Variants in CCNH observed in about 807,000 individuals in gnomAD.
The protein encoded by CCNH is cyclin H, also known as cyclin-H.
In CCNH, 31 loss-of-function variants were observed where a neutral mutation model predicts 41.9. That is an observed-to-expected ratio of 0.74 (90% CI 0.56 to 1.00). The LOEUF (loss-of-function observed/expected upper bound fraction) is 1.00, where lower values mean the gene tolerates loss of function less well. Ranked by LOEUF, CCNH falls within the 50% of genes least tolerant of loss-of-function variation. The probability of loss-of-function intolerance (pLI) is 0.00; values close to 1 mark genes in which losing one functional copy is unlikely to be tolerated. For synonymous variants in CCNH, 138 were observed against 136.1 expected (o/e 1.01, Z -0.10); for missense variants, 362 against 388.4 (o/e 0.93, Z 0.57).
chr5:87,399,646 G>A, intron 6 of CCNH, 141 bp from the exon 7 acceptor site: 2 of 643,454 alleles, frequency 3.1e-6, no homozygotes, highest in South Asian at 3.7e-5. Flanking sequence ...GCATCATTCT[G>A]CATTTCATTC....
chr5:87,398,837 G>A (rs3093830), intron 7 of CCNH, among the ~76,000 whole-genome samples: 2 of 152,172 alleles, frequency 1.3e-5, no homozygotes, highest in East Asian at 3.9e-4. Flanking sequence ...GCTGGGCGTG[G>A]TGGAGGGCGC....
chr5:87,393,846 T>TTATC (rs1180903854), downstream of CCNH: 1 of 152,086 alleles, frequency 6.6e-6, no homozygotes, highest in African/African-American at 2.4e-5. Context: ...TGCTACCTAC[T>TTATC]TATCTATACT....
At position 87,408,075 on chromosome 5, in the gene CCNH, C is replaced by G; in HGVS notation, c.426G>C (p.Gln142His). 6.2e-7 allele frequency: 1 copy of G among 1,613,108 alleles called. No homozygotes were observed. Among genetic ancestry groups the G allele is most frequent in the Non-Finnish European group, 8.5e-7 (1 of 1,179,072 alleles). Residue 142 changes from glutamine to histidine, a missense_variant, in exon 4 of 9, where the codon CAG becomes CAC. Gln to His is a conservative substitution (Grantham distance 24, BLOSUM62 0). Transcript: ENST00000256897. ...SPLGQEKALE[Q>H]ILEYELLLIQ... ...TAAGAAGTAGTTCATATTCCAGTAT[C>G]TGTTCAAGTGCCTTCTCCTGTCCAA...
intron 9 of CCNH, among the ~76,000 whole-genome samples, chr5:87,368,506 A>C (rs192781638): frequency 1.3e-4 from 20 of 152,306 alleles, no homozygotes; most frequent in African/African-American, 4.8e-4. Context: ...GACATTGTAC[A>C]TGAAAAACTA....
chr5:87,401,677 T>C (rs779529928), intron 6 of CCNH, 25 bp downstream of exon 6: 2 of 1,418,672 alleles, frequency 1.4e-6, no homozygotes, highest in East Asian at 2.3e-5. Context: ...AAGAAACATT[T>C]TGTAAAGTGT....
downstream of CCNH, chr5:87,376,139 T>C: frequency 5.8e-6 from 3 of 517,804 alleles, no homozygotes; most frequent in Non-Finnish European, 6.9e-6. Flanking sequence ...TCTTGCCTTC[T>C]TGACTAAACT....
rs1265278085 is a variant in CCNH at position 87,411,360 on chromosome 5, AT to A, written c.118-15del. ...ATTCGGAAGAACCTTTAGATCAACA[AT>A]TACAACACAAGTTCAATGAATTCAA... is the stretch of plus-strand genomic sequence containing the variant. On this transcript the variant is annotated splice_polypyrimidine_tract_variant and intron_variant, in intron 1 of 8. Coordinates refer to ENST00000256897, the MANE Select transcript of CCNH (RefSeq NM_001239.4). The A allele has an allele frequency of 6.3e-7, 1 of 1,594,896 alleles. No individual in the cohort carries two copies. Among genetic ancestry groups the A allele is most frequent in the Non-Finnish European group, 8.5e-7 (1 of 1,173,050 alleles).
At chr5:87,411,402 T>TA in intron 1 of CCNH, 56 bp from the exon 2 acceptor site, 1 of 1,525,836 alleles carries the variant, frequency 6.6e-7, no homozygotes, top group Non-Finnish European at 8.8e-7. Flanking sequence ...TAAACAATTG[T>TA]AAAACATTTT....
At chr5:87,333,129 AG>A (rs1190164784) in intron 9 of CCNH, 3 of 1,315,460 alleles carry the variant, frequency 2.3e-6, no homozygotes, top group Non-Finnish European at 3.1e-6. Context: ...GGGTATTTAT[AG>A]TCCAAGTAAA....
chr5:87,349,188 A>G (rs780795367), intron 9 of CCNH: 11 of 1,609,664 alleles, frequency 6.8e-6, no homozygotes, highest in Non-Finnish European at 8.5e-6. Flanking sequence ...ATAATTAGGG[A>G]AAAACTAACA....
chr5:87,338,693 T>C (rs185812257), intron 9 of CCNH, among the ~76,000 whole-genome samples: 36 of 150,552 alleles, frequency 2.4e-4, no homozygotes, highest in Admixed American at 7.9e-4. Flanking sequence ...ATTTTTGTTC[T>C]TTTTTTTGCC....
At chr5:87,388,520 G>GC (rs1051828073), downstream of CCNH, among the ~76,000 whole-genome samples, 7 of 152,148 alleles carry the variant, frequency 4.6e-5, no homozygotes, top group African/African-American at 7.2e-5. Context: ...TGCTCAACTG[G>GC]CAAGTATACT....
rs1487946204 is a variant in CCNH, at chr5:87,376,473, T to C, written n.708A>G. 6.2e-7 allele frequency: 1 copy of C among 1,614,034 alleles called. No individual in the cohort carries two copies. Among genetic ancestry groups the C allele is most frequent in the South Asian group, 1.1e-5 (1 of 91,078 alleles). The stretch of plus-strand genomic sequence containing the variant: ...GTTTCTGCTCAGCTCCCATATACCA[T>C]TAAAAGGTATTGAACCAGGGTCCCT... On this transcript the variant is annotated non_coding_transcript_exon_variant, in exon 1 of 1. Coordinates refer to the CCNH transcript ENST00000607486.
At chr5:87,329,414 C>T (rs1187415994) in intron 9 of CCNH, among the ~76,000 whole-genome samples, 5 of 151,996 alleles carry the variant, frequency 3.3e-5, no homozygotes, top group African/African-American at 1.2e-4. Flanking sequence ...TGTACTCCAG[C>T]CTGGGCGACA....
At position 87,353,649 on chromosome 5, in the gene CCNH, T is replaced by G. The variant is rs116711644; in HGVS notation, c.*91-34752A>C. ...TTTCTTTGTTTATTTGCCTGTAGTT[T>G]TACGGTGAGAGGATTTGAGAATGTC... On this transcript the variant is annotated intron_variant and NMD_transcript_variant, in intron 9 of 9. Transcript: ENST00000645953. Among the ~76,000 whole-genome samples the G allele has an allele frequency of 7.8e-3, 1,192 of 152,214 alleles. 14 individuals are homozygous for G. The highest frequency in any genetic ancestry group is 0.028 in the African/African-American group (1,144 of 41,538).
At chr5:87,392,678 C>G (rs1370572406), downstream of CCNH, 1 of 164,538 alleles carries the variant, frequency 6.1e-6, no homozygotes, top group South Asian at 1.4e-4. Flanking sequence ...AATCCTTCTC[C>G]CTTTTATTTA....
upstream of CCNH, chr5:87,379,672 C>T: frequency 6.3e-7 from 1 of 1,586,128 alleles, no homozygotes; most frequent in Non-Finnish European, 8.6e-7. Context: ...TACTTGTTTT[C>T]CTCTATTCAT....
chr5:87,337,905 G>C (rs1015372480), intron 9 of CCNH: 96 of 1,452,022 alleles, frequency 6.6e-5, no homozygotes, highest in Non-Finnish European at 8.4e-5. Flanking sequence ...CTATTTTGTG[G>C]TATATGACTA....
chr5:87,401,777 T>C lies in CCNH; in HGVS notation c.690-5A>G. 2 of 1,540,346 alleles carry C rather than the reference T, an allele frequency of 1.3e-6. No homozygotes were observed. Among genetic ancestry groups the C allele is most frequent in the Non-Finnish European group, 1.8e-6 (2 of 1,141,728 alleles). ...ATCAGACTCTCTGATAAATAACTAG[T>C]AAAGAAAAGAAAAAAAAATCTATTG... On this transcript the variant is annotated splice_polypyrimidine_tract_variant and splice_region_variant and intron_variant, in intron 5 of 8. Coordinates refer to ENST00000256897, the MANE Select transcript of CCNH (RefSeq NM_001239.4).
Sources: gnomAD v4.1 joint callset for allele counts (sites outside exome capture counted in the v4.1 genomes callset) on GRCh38, gnomAD v4.1.1 for gene constraint, MANE v1.5 for transcripts, NCBI Gene and HGNC (gene_info 2026-07-23, HGNC 2026-07-21) for gene names.